Variants in TXNDC11 observed in about 807,000 individuals in gnomAD.
The protein encoded by TXNDC11 is thioredoxin domain containing 11.
A neutral mutation model predicts 78.0 loss-of-function variants in TXNDC11; 68 were observed. The ratio of observed to expected loss-of-function variants is 0.87; its 90% confidence interval spans 0.72 to 1.07. The LOEUF is 1.07. Ranked by LOEUF, TXNDC11 falls within the 50% of genes least tolerant of loss-of-function variation. The pLI, the probability that TXNDC11 is intolerant of heterozygous loss-of-function variation, is 0.00. For synonymous variants in TXNDC11, 571 were observed against 495.2 expected, an observed-to-expected ratio of 1.15 and a Z score of -2.03; for missense variants, 1,389 against 1,221.8, an observed-to-expected ratio of 1.14 and a Z score of -2.04.
intron 5 of TXNDC11, among the ~76,000 whole-genome samples, chr16:11,701,590 T>C (rs1008155273): frequency 6.6e-6 from 1 of 152,032 alleles, no homozygotes; most frequent in African/African-American, 2.4e-5. Context: ...CTTATACAAA[T>C]CAACAAGGAA....
At chr16:11,723,687 A>G (rs1004833689) in intron 4 of TXNDC11, among the ~76,000 whole-genome samples, 1 of 152,192 alleles carries the variant, frequency 6.6e-6, no homozygotes, top group Admixed American at 6.5e-5. Context: ...ACAATATGAC[A>G]ATGTTGGGTA....
Position 11,691,876 on chromosome 16 carries a change from G to T in TXNDC11, c.1314C>A (p.Thr438=). 2 of 1,614,206 alleles carry T rather than the reference G, an allele frequency of 1.2e-6. No individual in the cohort carries two copies. The change falls in exon 8 of 12, where the codon ACC becomes ACA. Residue 438 remains threonine, a synonymous_variant. Coordinates refer to ENST00000283033, the MANE Select transcript of TXNDC11 (RefSeq NM_015914.7). The part of the protein sequence containing the change: ...VLPQWHSFSR[T]HNVCELCVNQ... Reference sequence around the variant, plus strand: ...TGACACAGAGTTCACAGACGTTGTGGGTCCTGGAGAAGGAGTGCCACTGGG... The same window carrying T: ...TGACACAGAGTTCACAGACGTTGTGTGTCCTGGAGAAGGAGTGCCACTGGG...
chr16:11,700,211 A>G (rs17696760), intron 6 of TXNDC11, among the ~76,000 whole-genome samples: 17,393 of 152,224 alleles, frequency 0.11, 1,798 homozygotes, highest in East Asian at 0.42. Flanking sequence ...TCTGTACCAA[A>G]ATCTAAGAAT....
intron 5 of TXNDC11, among the ~76,000 whole-genome samples, chr16:11,721,021 C>T (rs1412443402): frequency 2.6e-5 from 4 of 151,898 alleles, no homozygotes; most frequent in African/African-American, 9.7e-5. Flanking sequence ...GGACTACGGG[C>T]ATGAGCCACT....
At chr16:11,707,415 G>A (rs2051214292) in intron 5 of TXNDC11, among the ~76,000 whole-genome samples, 1 of 150,544 alleles carries the variant, frequency 6.6e-6, no homozygotes, top group African/African-American at 2.4e-5. Context: ...GATACACTGG[G>A]TTAAATATTA....
intron 2 of TXNDC11, among the ~76,000 whole-genome samples, 200 bp from the exon 3 acceptor site, chr16:11,734,279 G>A (rs139609739): frequency 5.3e-5 from 8 of 152,288 alleles, no homozygotes; most frequent in Admixed American, 2.0e-4. Flanking sequence ...ATGATGTCCA[G>A]GCAGGACTTG....
rs201416434 is a variant in TXNDC11, at chr16:11,679,428, C to A, written c.2644G>T (p.Asp882Tyr). The A allele has an allele frequency of 3.7e-6, 6 of 1,613,486 alleles. No homozygotes were observed. The highest frequency in any genetic ancestry group is 2.2e-5 in the South Asian group (2 of 91,068). Residue 882 changes from aspartate to tyrosine, a missense_variant, in exon 12 of 12, where the codon GAT (aspartate) becomes TAT (tyrosine). Coordinates refer to ENST00000283033, the MANE Select transcript of TXNDC11 (RefSeq NM_015914.7). This position sits in a 1 kb window ranked among gnomAD's most constrained non-coding sequence, Gnocchi z 4.6. ...TCGGTAAGGAGGTTTTCTGAGGCAT[C>A]GGCCAGCTCCTGCAGCTTGCGGGCC... ...ELARKLQELA[D>Y]ASENLLTENT...
Position 11,741,544 on chromosome 16 carries a change from C to A in TXNDC11, c.254+933G>T, listed in dbSNP as rs140984554. 3.4e-4 allele frequency among the ~76,000 whole-genome samples: 52 copies of A among 152,328 alleles called. 1 individual carries two copies. In the East Asian group the frequency reaches 9.4e-3, roughly 28 times the overall value. ...ACGCTCCCCCGGGATCTTCCCAGCGCTGGTCCCTTCTCCTTTTTGTATAAG... is the reference window on the plus strand; with the variant it reads ...ACGCTCCCCCGGGATCTTCCCAGCGATGGTCCCTTCTCCTTTTTGTATAAG... On this transcript the variant is annotated intron_variant, in intron 1 of 11. Coordinates refer to ENST00000283033, the MANE Select transcript of TXNDC11 (RefSeq NM_015914.7).
chr16:11,742,626 C>T lies in TXNDC11; in HGVS notation c.105G>A (p.Ser35=), dbSNP rs773358482. The part of the protein sequence containing the change: ...GGPAGSDCLS[S]SPTLATASSA... ...AGGACGCTGTGGCCAGGGTCGGGCT[C>T]GAGCTGAGGCAGTCTGAGCCCGCGG... Residue 35 remains serine (S), a synonymous_variant, in exon 1 of 12, where the codon TCG becomes TCA. Transcript: ENST00000283033. 5.5e-6 allele frequency: 8 copies of T among 1,459,272 alleles called. No individual in the cohort carries two copies. The highest frequency in any genetic ancestry group is 4.7e-4 in the Middle Eastern group (2 of 4,282). The allele number at this position is 1,459,272 out of a possible 1,614,324, so 90.4% of individuals were successfully genotyped here.
intron 5 of TXNDC11, among the ~76,000 whole-genome samples, chr16:11,701,068 A>C (rs543041944): frequency 6.6e-6 from 1 of 150,734 alleles, no homozygotes; most frequent in East Asian, 1.9e-4. Flanking sequence ...TTTTTATAGC[A>C]CTTATTAACA....
chr16:11,687,245 T>C (rs2050589943), intron 10 of TXNDC11, among the ~76,000 whole-genome samples: 1 of 152,202 alleles, frequency 6.6e-6, no homozygotes, highest in African/African-American at 2.4e-5. Context: ...GATTTTTTTA[T>C]ATTTAACTCT....
At chr16:11,723,637 C>T (rs1472590227) in intron 4 of TXNDC11, among the ~76,000 whole-genome samples, 3 of 151,822 alleles carry the variant, frequency 2.0e-5, no homozygotes, top group African/African-American at 7.2e-5. Context: ...CTAACAGAAA[C>T]AGTACCTATG....
In TXNDC11 at chr16:11,679,968, A is replaced by C; in HGVS notation, c.2235-131T>G. 1.0e-5 allele frequency: 8 copies of C among 801,798 alleles called. No individual in the cohort carries two copies. Among genetic ancestry groups the C allele is most frequent in the Non-Finnish European group, 1.6e-5 (8 of 510,788 alleles). 49.7% of individuals were successfully genotyped at this position (801,798 alleles called of 1,614,324 possible). On this transcript the variant is annotated intron_variant, in intron 11 of 11. Transcript: ENST00000283033. This position sits in a 1 kb window ranked among gnomAD's most constrained non-coding sequence, Gnocchi z 4.6. ...ACGTTCCGTGGATTTTACTTACTGA[A>C]AGTAAGGAAAATGTTGCCTGGGCAA...
chr16:11,736,063 G>A lies in TXNDC11; in HGVS notation c.425C>T (p.Ala142Val). 1 of 1,614,186 alleles carries A rather than the reference G, an allele frequency of 6.2e-7. No homozygotes were observed. The highest frequency in any genetic ancestry group is 2.2e-5 in the East Asian group (1 of 44,882). The change falls in exon 2 of 12, where the codon GCT (alanine) becomes GTT (valine). Residue 142 changes from alanine to valine, a missense_variant. Physicochemically the swap from Ala to Val is moderately conservative, Grantham distance 64. Transcript: ENST00000283033. ...TGCTTGCTCAATTTCTGCCCTGGCA[G>A]CGATGGACTGTCCACACCAAGGGGC... ...FYAPWCGQSI[A>V]ARAEIEQAAS...
intron 4 of TXNDC11, among the ~76,000 whole-genome samples, chr16:11,729,969 CT>C (rs1190760108): frequency 6.6e-6 from 1 of 152,158 alleles, no homozygotes; most frequent in Non-Finnish European, 1.5e-5. Flanking sequence ...GTGGCACTGC[CT>C]GTTATTGCAA....
intron 7 of TXNDC11, among the ~76,000 whole-genome samples, chr16:11,697,786 T>C (rs1567307915): frequency 6.6e-6 from 1 of 152,120 alleles, no homozygotes; most frequent in Non-Finnish European, 1.5e-5. Flanking sequence ...CCACTCCCTG[T>C]TTCACCCCCT....
chr16:11,700,546 C>G lies in TXNDC11; in HGVS notation c.812G>C (p.Arg271Pro). The change falls in exon 6 of 12, where the codon CGA becomes CCA. Residue 271 changes from arginine (R) to proline (P), a missense_variant. By Grantham distance (103) the Arg-to-Pro change is moderately radical. Coordinates refer to ENST00000283033, the MANE Select transcript of TXNDC11 (RefSeq NM_015914.7). ...SLKKDYLGTV[R>P]FGVITNKHLA... ...ATGTTTATTTGTGATAACCCCAAAT[C>G]GTACTGTTCCTAGGTAATCTGAAAC... 1.3e-6 allele frequency: 2 copies of G among 1,596,486 alleles called. No homozygotes were observed. Among genetic ancestry groups the G allele is most frequent in the Non-Finnish European group, 8.6e-7 (1 of 1,164,234 alleles).
chr16:11,726,600 A>T, intron 4 of TXNDC11, among the ~76,000 whole-genome samples: 1 of 151,372 alleles, frequency 6.6e-6, no homozygotes. Context: ...AAAAAAAAAA[A>T]ATTTCCACTC....
intron 6 of TXNDC11, among the ~76,000 whole-genome samples, chr16:11,699,706 C>G (rs1183896054): frequency 6.6e-6 from 1 of 152,218 alleles, no homozygotes; most frequent in Admixed American, 6.5e-5. Flanking sequence ...AGACATTGTG[C>G]CAAGGGGGGC....
Sources: gnomAD v4.1 joint callset for allele counts (sites outside exome capture counted in the v4.1 genomes callset) on GRCh38, gnomAD v4.1.1 for gene constraint, Gnocchi (gnomAD v3.1) non-coding constraint, MANE v1.5 for transcripts, NCBI Gene and HGNC (gene_info 2026-07-23, HGNC 2026-07-21) for gene names.